Variants in F13B observed in about 807,000 individuals in gnomAD.
The protein encoded by F13B is TGase.
In F13B, 58 loss-of-function variants were observed where a neutral mutation model predicts 79.8. That is an observed-to-expected ratio of 0.73 (90% CI 0.59 to 0.90). The LOEUF (loss-of-function observed/expected upper bound fraction) is 0.90. F13B is among the 40% of genes least tolerant of loss of function. The pLI, the probability that F13B is intolerant of heterozygous loss-of-function variation, is 0.00. For missense variants in F13B, 773 were observed against 777.0 expected (o/e 0.99, Z 0.06); for synonymous variants, 283 against 260.3 (o/e 1.09, Z -0.84).
At position 197,057,004 on chromosome 1, in the gene F13B, C is replaced by T; in HGVS notation, c.1171+9G>A. On this transcript the variant is annotated intron_variant, in intron 7 of 11. Coordinates refer to ENST00000367412, the MANE Select transcript of F13B (RefSeq NM_001994.3). ...GTTTAGCTACTGATGGTAAATGTAG[C>T]ATACATACCAACACACTCAGGAGGA... The T allele has an allele frequency of 6.2e-7, 1 of 1,612,690 alleles. No homozygotes were observed. Among genetic ancestry groups the T allele is most frequent in the Non-Finnish European group, 8.5e-7 (1 of 1,179,364 alleles).
chr1:197,052,590 T>C, intron 9 of F13B, 44 bp downstream of exon 9: 1 of 1,362,968 alleles, frequency 7.3e-7, no homozygotes, highest in South Asian at 1.2e-5. Flanking sequence ...AGGTAGCAGA[T>C]ATTGGTCAAG....
chr1:197,043,836 A>G (rs904412641), intron 10 of F13B, among the ~76,000 whole-genome samples: 3 of 152,140 alleles, frequency 2.0e-5, no homozygotes, highest in African/African-American at 7.2e-5. Flanking sequence ...GTAATATGGC[A>G]TCACAGAAGA....
chr1:197,055,990 A>AT, intron 7 of F13B, 93 bp from the exon 8 acceptor site: 1 of 1,087,882 alleles, frequency 9.2e-7, no homozygotes, highest in Non-Finnish European at 1.3e-6. Flanking sequence ...GTATTATATA[A>AT]TTTAGGACAA....
chr1:197,042,645 C>T (rs371915993), intron 10 of F13B, among the ~76,000 whole-genome samples: 2 of 145,126 alleles, frequency 1.4e-5, no homozygotes, highest in Non-Finnish European at 3.0e-5. Flanking sequence ...ATGGTGAAAC[C>T]CCATCTCTAC....
chr1:197,062,591 C>T (rs1245771625), intron 2 of F13B, among the ~76,000 whole-genome samples: 2 of 152,010 alleles, frequency 1.3e-5, no homozygotes, highest in African/African-American at 4.8e-5. Context: ...CCTCTCTTTG[C>T]CTTGCAATAT....
At chr1:197,048,130 T>C (rs1655301698) in intron 10 of F13B, among the ~76,000 whole-genome samples, 1 of 149,456 alleles carries the variant, frequency 6.7e-6, no homozygotes, top group Non-Finnish European at 1.5e-5. Context: ...GAACTTAAAA[T>C]ATTATATATA....
intron 10 of F13B, among the ~76,000 whole-genome samples, chr1:197,043,234 G>A (rs1470307057): frequency 6.6e-6 from 1 of 152,120 alleles, no homozygotes; most frequent in East Asian, 1.9e-4. Flanking sequence ...TCTGTAAAGA[G>A]CCCTGGAGAG....
At chr1:197,064,263 G>A (rs1227588353) in intron 1 of F13B, among the ~76,000 whole-genome samples, 1 of 151,778 alleles carries the variant, frequency 6.6e-6, no homozygotes, top group East Asian at 1.9e-4. Context: ...TATATATTGG[G>A]GTAAAACATG....
At position 197,056,890 on chromosome 1, in the gene F13B, T is replaced by C. The variant is rs1306693955; in HGVS notation, c.1171+123A>G. On this transcript the variant is annotated intron_variant, in intron 7 of 11. Transcript: ENST00000367412. The stretch of plus-strand genomic sequence containing the variant: ...ATGCAAAGCAGAAGAGTAGGTGCTG[T>C]AGCAATGTGTTTCTAATTTGCCTAA... 1.4e-5 allele frequency: 12 copies of C among 886,708 alleles called. No homozygotes were observed. In the East Asian group the frequency reaches 2.9e-4, roughly 21 times the overall value. The allele number at this position is 886,708 out of a possible 1,614,324, so 54.9% of individuals were successfully genotyped here.
In F13B at chr1:197,052,767, C is replaced by A; in HGVS notation, c.1422G>T (p.Gly474=). The change falls in exon 9 of 12, where the codon GGG becomes GGT. Residue 474 remains glycine (G), a synonymous_variant. Coordinates refer to ENST00000367412, the MANE Select transcript of F13B (RefSeq NM_001994.3). ...NNIEMKWKYE[G]KVLHGDLIDF... is the part of the protein sequence containing the mutation. ...CTATTAAATCTCCATGTAAGACTTT[C>A]CCTTCATATTTCCACTTCATTTCTA... is the stretch of plus-strand genomic sequence containing the variant. 1 of 1,610,978 alleles carries A rather than the reference C, an allele frequency of 6.2e-7. No homozygotes were observed. The highest frequency in any genetic ancestry group is 8.5e-7 in the Non-Finnish European group (1 of 1,178,496).
At chr1:197,066,247 T>G (rs1358846695) in intron 1 of F13B, among the ~76,000 whole-genome samples, 1 of 152,208 alleles carries the variant, frequency 6.6e-6, no homozygotes, top group Non-Finnish European at 1.5e-5. Context: ...GGTAGAAAAT[T>G]TATAGTTAAC....
chr1:197,049,539 T>C (rs915131247), intron 10 of F13B, among the ~76,000 whole-genome samples: 5 of 152,018 alleles, frequency 3.3e-5, no homozygotes, highest in Non-Finnish European at 7.4e-5. Context: ...GAAGAAGAAA[T>C]AATTACCATT....
chr1:197,062,920 C>T lies in F13B; in HGVS notation c.202G>A (p.Gly68Arg). The change falls in exon 2 of 12, where the codon GGA becomes AGA. Residue 68 changes from glycine (G) to arginine (R), a missense_variant. By Grantham distance (125) the Gly-to-Arg change is moderately radical. Transcript: ENST00000367412. The part of the protein sequence containing the change: ...FCLAGYTTES[G>R]RQEEQTTCTT... The stretch of plus-strand genomic sequence containing the variant: ...CACGTGGTTTGCTCTTCTTGTCTTC[C>T]ACTTTCAGTGGTATAACCAGCCAAG... The T allele has an allele frequency of 1.2e-6, 2 of 1,613,890 alleles. No individual in the cohort carries two copies. The highest frequency in any genetic ancestry group is 1.7e-6 in the Non-Finnish European group (2 of 1,179,830).
chr1:197,056,032 A>G, intron 7 of F13B, 135 bp from the exon 8 acceptor site: 1 of 892,300 alleles, frequency 1.1e-6, no homozygotes, highest in Non-Finnish European at 1.7e-6. Flanking sequence ...AATATGAAAA[A>G]TTTTTTCAGC....
In F13B at chr1:197,057,347, G is replaced by A. The variant is rs141627684; in HGVS notation, c.924C>T (p.Ile308=). ...VHIECELNFE[I]HGSAEIRCED... The stretch of plus-strand genomic sequence containing the variant: ...CACAACGTATTTCTGCTGACCCATG[G>A]ATCTCAAAATTAAGTTCACATTCTA... Residue 308 remains isoleucine, a synonymous_variant, in exon 6 of 12, where the codon ATC becomes ATT. Coordinates refer to ENST00000367412, the MANE Select transcript of F13B (RefSeq NM_001994.3). 8.4e-5 allele frequency: 135 copies of A among 1,613,766 alleles called. No homozygotes were observed. The highest frequency in any genetic ancestry group is 1.1e-4 in the Non-Finnish European group (132 of 1,179,928).
At chr1:197,041,850 T>G (rs1290178115) in intron 10 of F13B, among the ~76,000 whole-genome samples, 3 of 152,182 alleles carry the variant, frequency 2.0e-5, no homozygotes, top group Non-Finnish European at 4.4e-5. Flanking sequence ...CTTCACACTT[T>G]CATAGACAGA....
chr1:197,040,582 A>G lies in F13B; in HGVS notation c.1892T>C (p.Ile631Thr). ...YPAELYITGS[I>T]LRMQCDRGQL... is the part of the protein sequence containing the mutation. The stretch of plus-strand genomic sequence containing the variant: ...CCCTCTGTCACATTGCATTCTAAGT[A>G]TAGATCCAGTAATATATAATTCAGC... The change falls in exon 11 of 12, where the codon ATA becomes ACA. Residue 631 changes from isoleucine (I) to threonine (T), a missense_variant. Ile to Thr is a moderately conservative substitution (Grantham distance 89). Transcript: ENST00000367412. The G allele has an allele frequency of 6.2e-7, 1 of 1,613,130 alleles. No homozygotes were observed. The highest frequency in any genetic ancestry group is 2.2e-5 in the East Asian group (1 of 44,786).
At chr1:197,042,200 CATT>C (rs1316232211) in intron 10 of F13B, among the ~76,000 whole-genome samples, 1 of 152,112 alleles carries the variant, frequency 6.6e-6, no homozygotes, top group Non-Finnish European at 1.5e-5. Context: ...ATGTGTCAAA[CATT>C]ATGCTGGAAG....
intron 11 of F13B, 200 bp downstream of exon 11, chr1:197,040,322 C>T: frequency 1.9e-6 from 1 of 533,444 alleles, no homozygotes; most frequent in Non-Finnish European, 3.3e-6. Context: ...GTTGCTTTCA[C>T]TTCAGACAAT....
Sources: gnomAD v4.1 joint callset for allele counts (sites outside exome capture counted in the v4.1 genomes callset) on GRCh38, gnomAD v4.1.1 for gene constraint, MANE v1.5 for transcripts, NCBI Gene and HGNC (gene_info 2026-07-23, HGNC 2026-07-21) for gene names.